The following ITSN1 variants were observed in gnomAD, a reference collection of about 807,000 sequenced individuals.
ITSN1 encodes intersectin-1.
A neutral mutation model predicts 239.8 loss-of-function variants in ITSN1; 58 were observed. The observed-to-expected ratio is 0.24, with a 90% confidence interval of 0.20 to 0.30. The LOEUF is 0.30. Ranked by LOEUF, ITSN1 falls within the 10% of genes least tolerant of loss-of-function variation. ITSN1 has a pLI of 1.00. For synonymous variants in ITSN1, 780 were observed against 770.8 expected (o/e 1.01, Z -0.20); for missense variants, 1,558 against 2,103.3 (o/e 0.74, Z 5.07).
intron 34 of ITSN1, among the ~76,000 whole-genome samples, chr21:33,880,811 C>A (rs574829485): frequency 1.4e-3 from 206 of 152,148 alleles, no homozygotes; most frequent in Non-Finnish European, 2.5e-3. Context: ...TGGCCTCGGA[C>A]TGGGTCATCT....
At chr21:33,886,248 G>A in intron 38 of ITSN1, 39 bp from the exon 39 acceptor site, 1 of 1,522,282 alleles carries the variant, frequency 6.6e-7, no homozygotes, top group South Asian at 1.2e-5. Context: ...TCAAAATGAG[G>A]TGTGAGTTCC....
chr21:33,737,748 A>AT (rs2066592775), intron 5 of ITSN1, among the ~76,000 whole-genome samples: 1 of 151,854 alleles, frequency 6.6e-6, no homozygotes, highest in Non-Finnish European at 1.5e-5. Flanking sequence ...TAATTTTTGT[A>AT]TTTTTAATAG....
chr21:33,644,367 A>G (rs1054935738), intron 1 of ITSN1, among the ~76,000 whole-genome samples: 1 of 152,214 alleles, frequency 6.6e-6, no homozygotes, highest in Non-Finnish European at 1.5e-5. Flanking sequence ...ATGGTGTTAA[A>G]ATTATTTCAG....
At chr21:33,736,210 TTTC>T (rs1219586991) in intron 5 of ITSN1, among the ~76,000 whole-genome samples, 1 of 152,120 alleles carries the variant, frequency 6.6e-6, no homozygotes. Context: ...GTGGCTAGAG[TTTC>T]TTTTCATCTC....
intron 23 of ITSN1, 42 bp from the exon 24 acceptor site, chr21:33,819,199 T>C (rs2073488385): frequency 2.0e-6 from 3 of 1,469,688 alleles, no homozygotes; most frequent in Non-Finnish European, 1.9e-6. Context: ...CGATTTTCTT[T>C]GAAGATAAAA....
Position 33,681,182 on chromosome 21 carries a change from G to A in ITSN1, c.-32-37615G>A, listed in dbSNP as rs2090927548. The stretch of plus-strand genomic sequence containing the variant: ...TGTTAAGGAAGGGCAGCAAATATTT[G>A]GATAACAGTACTATGTGTTTGTATG... On this transcript the variant is annotated intron_variant, in intron 1 of 39. Transcript: ENST00000381318. Among the ~76,000 whole-genome samples, 3 of 152,144 alleles carry A rather than the reference G, an allele frequency of 2.0e-5. No individual in the cohort carries two copies. The South Asian group carries it at 6.2e-4, about 32-fold the overall frequency.
chr21:33,859,623 C>T (rs539723783), intron 31 of ITSN1, among the ~76,000 whole-genome samples: 54 of 152,236 alleles, frequency 3.5e-4, no homozygotes, highest in African/African-American at 1.3e-3. Context: ...TGCGTCCATT[C>T]CTGATCTTCA....
chr21:33,681,811 C>A lies in ITSN1; in HGVS notation c.-32-36986C>A, dbSNP rs2146528377. Among the ~76,000 whole-genome samples, 2 of 151,762 alleles carry A rather than the reference C, an allele frequency of 1.3e-5. 1 individual carries two copies. Among genetic ancestry groups the A allele is most frequent in the Admixed American group, 1.3e-4 (2 of 15,232 alleles). ...TCAGCCTCCTGAGTAGCTGGGACTA[C>A]AGGCGCCCACCACTATGCCCGGCTA... On this transcript the variant is annotated intron_variant, in intron 1 of 39. Coordinates refer to ENST00000381318, the MANE Select transcript of ITSN1 (RefSeq NM_003024.3).
At chr21:33,755,207 G>A in intron 7 of ITSN1, 90 bp from the exon 8 acceptor site, 1 of 577,088 alleles carries the variant, frequency 1.7e-6, no homozygotes, top group Non-Finnish European at 3.0e-6. Context: ...TGATTATCTA[G>A]AGAAGTTCTT....
chr21:33,849,390 ACCC>A (rs1178507911), intron 29 of ITSN1, among the ~76,000 whole-genome samples: 1 of 151,734 alleles, frequency 6.6e-6, no homozygotes, highest in African/African-American at 2.4e-5. Flanking sequence ...ACATGGTGAA[ACCC>A]TGTCTCTATT....
At chr21:33,687,930 A>G (rs1371122193) in intron 1 of ITSN1, among the ~76,000 whole-genome samples, 1 of 152,218 alleles carries the variant, frequency 6.6e-6, no homozygotes, top group Non-Finnish European at 1.5e-5. Context: ...TGTGCTTTGT[A>G]CAGATAGAGG....
At chr21:33,681,351 A>G (rs537848411) in intron 1 of ITSN1, among the ~76,000 whole-genome samples, 110 of 152,260 alleles carry the variant, frequency 7.2e-4, no homozygotes, top group Middle Eastern at 3.4e-3. Context: ...CTTTATTACC[A>G]TTTTTGGCAT....
chr21:33,738,827 C>G (rs1321978989), intron 5 of ITSN1, among the ~76,000 whole-genome samples: 1 of 151,962 alleles, frequency 6.6e-6, no homozygotes, highest in Non-Finnish European at 1.5e-5. Flanking sequence ...CAGGGTCTCA[C>G]TCTGTTGCCC....
chr21:33,817,982 C>A lies in ITSN1; in HGVS notation c.2728-285C>A, dbSNP rs1412653937. 4 of 451,914 alleles carry A rather than the reference C, an allele frequency of 8.9e-6. No individual in the cohort carries two copies. The East Asian group carries it at 1.6e-4, about 18-fold the overall frequency. 28.0% of individuals were successfully genotyped at this position (451,914 alleles called of 1,614,324 possible). ...AATATAAAGGGCACACAGCCAGATG[C>A]AACAGAATAATTGTGACCTCCTGGC... On this transcript the variant is annotated intron_variant, in intron 22 of 39. Transcript: ENST00000381318.
intron 5 of ITSN1, among the ~76,000 whole-genome samples, chr21:33,747,460 A>T (rs896910468): frequency 2.6e-5 from 4 of 152,114 alleles, no homozygotes; most frequent in African/African-American, 9.7e-5. Flanking sequence ...ATTTGGTGAA[A>T]AGCAATAGTC....
chr21:33,673,750 C>T (rs908747110), intron 1 of ITSN1, among the ~76,000 whole-genome samples: 1 of 152,190 alleles, frequency 6.6e-6, no homozygotes, highest in African/African-American at 2.4e-5. Context: ...TCACCTAGCA[C>T]CAGCTCAGGA....
intron 29 of ITSN1, among the ~76,000 whole-genome samples, chr21:33,850,228 T>C (rs940110489): frequency 5.9e-5 from 9 of 152,334 alleles, no homozygotes; most frequent in South Asian, 4.1e-4. Flanking sequence ...CAAAGCTTAT[T>C]TGGAGTTACA....
At chr21:33,729,766 G>A (rs573056374) in intron 4 of ITSN1, among the ~76,000 whole-genome samples, 28 of 152,242 alleles carry the variant, frequency 1.8e-4, no homozygotes, top group African/African-American at 6.7e-4. Context: ...TCAGTAAGTC[G>A]GCACTTTACA....
chr21:33,848,772 C>T (rs1037906635), intron 29 of ITSN1, among the ~76,000 whole-genome samples: 8 of 152,240 alleles, frequency 5.3e-5, no homozygotes, highest in African/African-American at 1.4e-4. Context: ...CAGGGCTCCA[C>T]GCCCCCGACT....
Sources: gnomAD v4.1 joint callset for allele counts (sites outside exome capture counted in the v4.1 genomes callset) on GRCh38, gnomAD v4.1.1 for gene constraint, MANE v1.5 for transcripts, NCBI Gene and HGNC (gene_info 2026-07-23, HGNC 2026-07-21) for gene names.